Variants in CTNNA2 observed in about 807,000 individuals in gnomAD.
CTNNA2 encodes the protein catenin alpha 2.
CTNNA2 carries 42 observed loss-of-function variants against 101.0 expected under a neutral mutation model. The observed-to-expected ratio is 0.42, with a 90% confidence interval of 0.32 to 0.54. CTNNA2 has a LOEUF of 0.54. Among genes scored for constraint, CTNNA2 ranks in the 20% least tolerant of loss-of-function variants. The probability of loss-of-function intolerance (pLI) is 0.14; values close to 1 mark genes in which losing one functional copy is unlikely to be tolerated. For synonymous variants in CTNNA2, 450 were observed against 456.4 expected (o/e 0.99, Z 0.18); for missense variants, 871 against 1,223.1 (o/e 0.71, Z 4.29).
At position 79,861,219 on chromosome 2, in the gene CTNNA2, A is replaced by G. The variant is rs571199756; in HGVS notation, c.465+3040A>G. The stretch of plus-strand genomic sequence containing the variant: ...AGCCTCCTGCTGTGTTAACTGCTAC[A>G]TATCTCTTTTACCTTTAAGTGTTAC... On this transcript the variant is annotated intron_variant, in intron 4 of 18. Transcript: ENST00000402739. Among the ~76,000 whole-genome samples the G allele has an allele frequency of 1.0e-3, 159 of 152,312 alleles. 2 individuals are homozygous for G. Among genetic ancestry groups the G allele is most frequent in the African/African-American group, 3.2e-3 (131 of 41,568 alleles).
At chr2:79,668,845 C>G (rs1682628982) in intron 2 of CTNNA2, among the ~76,000 whole-genome samples, 1 of 152,162 alleles carries the variant, frequency 6.6e-6, no homozygotes, top group East Asian at 1.9e-4. Flanking sequence ...TGTAAATACT[C>G]TATATTGTGT....
intron 7 of CTNNA2, among the ~76,000 whole-genome samples, chr2:79,997,592 T>C (rs1558713315): frequency 6.6e-6 from 1 of 152,048 alleles, no homozygotes; most frequent in African/African-American, 2.4e-5. Context: ...AGATTTCTTT[T>C]CCCCCAACTT....
chr2:80,199,145 C>T (rs1264018431), intron 7 of CTNNA2, among the ~76,000 whole-genome samples: 2 of 123,986 alleles, frequency 1.6e-5, no homozygotes, highest in Non-Finnish European at 3.2e-5. Context: ...TGTGCCATTG[C>T]ACTCCAGCCT....
rs567790551 is a variant in CTNNA2, at chr2:79,673,459, T to C, written c.102+21801T>C. Among the ~76,000 whole-genome samples the C allele has an allele frequency of 2.4e-4, 37 of 152,314 alleles. No homozygotes were observed. The East Asian group carries it at 6.9e-3, about 29-fold the overall frequency. On this transcript the variant is annotated intron_variant, in intron 2 of 18. Coordinates refer to ENST00000402739, the MANE Select transcript of CTNNA2 (RefSeq NM_001282597.3). ...TTGTAGGAGATCAGGTTAAATTTACTATGCTAAATGTAAAAGGCAGCAGGC... is the reference window on the plus strand; with the variant it reads ...TTGTAGGAGATCAGGTTAAATTTACCATGCTAAATGTAAAAGGCAGCAGGC...
At chr2:79,495,050 C>G (rs1039753671) in intron 4 of CTNNA2, among the ~76,000 whole-genome samples, 2 of 152,072 alleles carry the variant, frequency 1.3e-5, no homozygotes, top group Non-Finnish European at 2.9e-5. Flanking sequence ...TTGCAGTGAG[C>G]CGAGATTGCG....
intron 4 of CTNNA2, among the ~76,000 whole-genome samples, chr2:79,385,143 A>G (rs746349010): frequency 1.4e-4 from 22 of 152,184 alleles, no homozygotes; most frequent in Non-Finnish European, 2.4e-4. Context: ...AGAGTCTTCA[A>G]GAGATAGTAG....
chr2:79,312,467 AT>A (rs1179241902), intron 2 of CTNNA2, among the ~76,000 whole-genome samples: 3 of 152,174 alleles, frequency 2.0e-5, no homozygotes, highest in Non-Finnish European at 2.9e-5. Flanking sequence ...TTTAGCAAGT[AT>A]TTATTGAGTA....
chr2:79,312,591 T>C (rs747083005), intron 2 of CTNNA2: 1 of 152,206 alleles, frequency 6.6e-6, no homozygotes, highest in Non-Finnish European at 1.5e-5. Flanking sequence ...GTTTGAGAGA[T>C]CCCTATTTAA....
intron 7 of CTNNA2, among the ~76,000 whole-genome samples, chr2:80,192,756 AC>A (rs1031020581): frequency 6.6e-6 from 1 of 151,830 alleles, no homozygotes. Flanking sequence ...CTTGTGATCC[AC>A]CCGCCTCGGC....
intron 7 of CTNNA2, among the ~76,000 whole-genome samples, chr2:80,227,005 G>A (rs1182810958): frequency 6.6e-6 from 1 of 152,158 alleles, no homozygotes; most frequent in Non-Finnish European, 1.5e-5. Context: ...GTTAACAACA[G>A]CTTTAGGATA....
intron 15 of CTNNA2, among the ~76,000 whole-genome samples, chr2:80,596,279 G>GTTTTTTTTTTTTTTTTTTTTTTTTTT (rs60132060): frequency 2.8e-5 from 1 of 35,324 alleles, no homozygotes; most frequent in Non-Finnish European, 5.4e-5. Flanking sequence ...AGACAAGGTT[G>GTTTTTTTTTTTTTTTTTTTTTTTTTT]TTTTTTTTTT....
chr2:79,951,728 G>A (rs757228223), intron 7 of CTNNA2, among the ~76,000 whole-genome samples: 1 of 151,870 alleles, frequency 6.6e-6, no homozygotes, highest in Non-Finnish European at 1.5e-5. Flanking sequence ...ACCCATAAAA[G>A]CATCTTTGTT....
intron 4 of CTNNA2, among the ~76,000 whole-genome samples, chr2:79,425,516 C>T (rs1393177361): frequency 6.6e-6 from 1 of 152,118 alleles, no homozygotes; most frequent in Non-Finnish European, 1.5e-5. Context: ...GGTGGAAATG[C>T]TATGTCCTCA....
chr2:79,243,796 T>C (rs567306995), intron 2 of CTNNA2, among the ~76,000 whole-genome samples: 1 of 152,040 alleles, frequency 6.6e-6, no homozygotes, highest in East Asian at 1.9e-4. Context: ...GGGTAAGGAA[T>C]AGGAAAAGGG....
chr2:79,312,133 T>G (rs1676389338), intron 2 of CTNNA2, among the ~76,000 whole-genome samples: 1 of 152,010 alleles, frequency 6.6e-6, no homozygotes, highest in African/African-American at 2.4e-5. Context: ...GCACTAAAAC[T>G]CCTGGCCTCA....
At chr2:80,634,725 CAAGTGGATAA>C (rs1440781617) in intron 18 of CTNNA2, among the ~76,000 whole-genome samples, 1 of 151,884 alleles carries the variant, frequency 6.6e-6, no homozygotes, top group Non-Finnish European at 1.5e-5. Context: ...AGAAGTTGGC[CAAGTGGATAA>C]GAGTGAAGAA....
At chr2:79,352,164 A>G (rs1174139303) in intron 3 of CTNNA2, among the ~76,000 whole-genome samples, 1 of 152,006 alleles carries the variant, frequency 6.6e-6, no homozygotes, top group African/African-American at 2.4e-5. Context: ...GCATTTCTCT[A>G]ATAAGTCGTG....
At chr2:80,374,009 T>A (rs549192068) in intron 7 of CTNNA2, among the ~76,000 whole-genome samples, 1 of 152,004 alleles carries the variant, frequency 6.6e-6, no homozygotes, top group East Asian at 1.9e-4. Context: ...TTACACCATA[T>A]CTTAGTTTGC....
chr2:79,915,645 A>G (rs1056685446), intron 7 of CTNNA2, among the ~76,000 whole-genome samples: 1 of 152,228 alleles, frequency 6.6e-6, no homozygotes, highest in Non-Finnish European at 1.5e-5. Context: ...GTGAGGACAC[A>G]GCTTTACAGT....
Sources: allele counts gnomAD v4.1 joint callset (sites outside exome capture counted in the v4.1 genomes callset), GRCh38; gene constraint gnomAD v4.1.1; transcripts MANE v1.5; gene names NCBI Gene and HGNC (gene_info 2026-07-23, HGNC 2026-07-21).